OSBPL6: variants seen among roughly 807,000 people sequenced by gnomAD.
The protein encoded by OSBPL6 is oxysterol-binding protein-related protein 6.
OSBPL6 carries 49 observed loss-of-function variants against 125.8 expected under a neutral mutation model. The observed-to-expected ratio is 0.39, with a 90% CI of 0.31 to 0.49. The LOEUF is 0.49. Among genes scored for constraint, OSBPL6 ranks in the 20% least tolerant of loss-of-function variants. OSBPL6 has a pLI of 0.88. For synonymous variants in OSBPL6, 394 were observed against 391.8 expected (o/e 1.01, Z -0.07); for missense variants, 986 against 1,135.4 (o/e 0.87, Z 1.89).
chr2:178,305,095 A>G (rs191174256), intron 2 of OSBPL6, among the ~76,000 whole-genome samples: 2 of 152,238 alleles, frequency 1.3e-5, no homozygotes, highest in African/African-American at 4.8e-5. Flanking sequence ...AGCCTACACA[A>G]GTGTTCTGGT....
chr2:178,344,584 A>G (rs1690529472), intron 11 of OSBPL6, among the ~76,000 whole-genome samples: 1 of 152,238 alleles, frequency 6.6e-6, no homozygotes, highest in African/African-American at 2.4e-5. Flanking sequence ...TAGTTCTTCT[A>G]CTATACATGA....
intron 1 of OSBPL6, among the ~76,000 whole-genome samples, chr2:178,252,387 A>G (rs1480213436): frequency 6.6e-6 from 1 of 152,322 alleles, no homozygotes; most frequent in East Asian, 1.9e-4. Context: ...AATGTAAATA[A>G]GTGGGCATGC....
At chr2:178,214,182 A>T (rs1183155534) in intron 1 of OSBPL6, among the ~76,000 whole-genome samples, 1 of 152,166 alleles carries the variant, frequency 6.6e-6, no homozygotes, top group Admixed American at 6.5e-5. Flanking sequence ...GTTGGACAGA[A>T]GCCGTGGCAT....
At chr2:178,247,365 G>A (rs1369944912) in intron 1 of OSBPL6, among the ~76,000 whole-genome samples, 1 of 152,094 alleles carries the variant, frequency 6.6e-6, no homozygotes, top group African/African-American at 2.4e-5. Context: ...TCAGTTTGGA[G>A]TGTTGTGTTA....
At chr2:178,374,166 G>A in intron 15 of OSBPL6, 139 bp downstream of exon 15, 5 of 1,074,952 alleles carry the variant, frequency 4.7e-6, no homozygotes, top group Non-Finnish European at 6.6e-6. Flanking sequence ...CCAAATTGCA[G>A]CAAAGCTAAA....
intron 1 of OSBPL6, among the ~76,000 whole-genome samples, chr2:178,269,758 C>T (rs1326078421): frequency 6.6e-6 from 1 of 152,154 alleles, no homozygotes; most frequent in East Asian, 1.9e-4. Context: ...ATGCTCAGGG[C>T]CAGGCACAAT....
At chr2:178,298,744 A>ATTTT (rs1240599385) in intron 2 of OSBPL6, among the ~76,000 whole-genome samples, 25 of 143,570 alleles carry the variant, frequency 1.7e-4, no homozygotes, top group Non-Finnish European at 3.0e-4. Flanking sequence ...CACAGGACCT[A>ATTTT]CATCATTTTC....
chr2:178,249,946 A>T (rs2091635392), intron 1 of OSBPL6, among the ~76,000 whole-genome samples: 1 of 151,768 alleles, frequency 6.6e-6, no homozygotes, highest in South Asian at 2.1e-4. Flanking sequence ...CCTACTAGAC[A>T]TCTTTGTTAA....
chr2:178,392,547 G>A lies in OSBPL6; in HGVS notation c.2573+9G>A, dbSNP rs751220842. 6.2e-7 allele frequency: 1 copy of A among 1,613,662 alleles called. No homozygotes were observed. Among genetic ancestry groups the A allele is most frequent in the Non-Finnish European group, 8.5e-7 (1 of 1,179,842 alleles). On this transcript the variant is annotated intron_variant, in intron 23 of 24. Transcript: ENST00000190611. ...TTCCGGCCAGATCAAAGGTGAGGAT[G>A]GCAGTGGTATTTAATATGCAGACTA...
intron 12 of OSBPL6, among the ~76,000 whole-genome samples, chr2:178,353,851 G>A (rs560157941): frequency 3.9e-5 from 6 of 152,222 alleles, no homozygotes; most frequent in East Asian, 1.9e-4. Context: ...GAGAAAGGTC[G>A]GGTTACCCAC....
intron 1 of OSBPL6, among the ~76,000 whole-genome samples, chr2:178,223,195 A>G (rs1164626886): frequency 6.6e-6 from 1 of 152,250 alleles, no homozygotes; most frequent in Admixed American, 6.5e-5. Context: ...CTGATTCTCT[A>G]TCAACCTGTT....
At chr2:178,281,161 G>A (rs374444811) in intron 1 of OSBPL6, among the ~76,000 whole-genome samples, 23 of 151,938 alleles carry the variant, frequency 1.5e-4, no homozygotes, top group South Asian at 8.3e-4. Flanking sequence ...ACAGGCATGC[G>A]CCACCACACC....
At chr2:178,377,001 A>G (rs919704170) in intron 15 of OSBPL6, among the ~76,000 whole-genome samples, 25 of 152,204 alleles carry the variant, frequency 1.6e-4, no homozygotes, top group African/African-American at 5.8e-4. Flanking sequence ...AGATATTATG[A>G]TGTTCTCAGA....
intron 1 of OSBPL6, among the ~76,000 whole-genome samples, chr2:178,268,056 A>G (rs1420759333): frequency 6.6e-6 from 1 of 151,584 alleles, no homozygotes; most frequent in East Asian, 1.9e-4. Context: ...TTTAAAGTAA[A>G]TATGGTGCTT....
At chr2:178,291,209 T>TA (rs1685229553) in intron 2 of OSBPL6, among the ~76,000 whole-genome samples, 2 of 152,138 alleles carry the variant, frequency 1.3e-5, no homozygotes, top group African/African-American at 4.8e-5. Context: ...TTTTTAGTAT[T>TA]AATGTTGATA....
intron 1 of OSBPL6, among the ~76,000 whole-genome samples, chr2:178,206,607 G>C (rs2089544790): frequency 6.6e-6 from 1 of 151,394 alleles, no homozygotes; most frequent in South Asian, 2.1e-4. Flanking sequence ...AGGTTTTTTT[G>C]TTTTGTTTTG....
chr2:178,235,007 A>T (rs2090989496), intron 1 of OSBPL6, among the ~76,000 whole-genome samples: 1 of 152,066 alleles, frequency 6.6e-6, no homozygotes, highest in Middle Eastern at 3.2e-3. Context: ...ATAACTTCTA[A>T]ATTTATCTTG....
rs1279897052 is a variant in OSBPL6 at position 178,332,653 on chromosome 2, A to G, written c.385A>G (p.Lys129Glu). 3 of 1,612,894 alleles carry G rather than the reference A, an allele frequency of 1.9e-6. No homozygotes were observed. Among genetic ancestry groups the G allele is most frequent in the Non-Finnish European group, 8.5e-7 (1 of 1,179,196 alleles). The change falls in exon 7 of 25, where the codon AAG becomes GAG. Residue 129 changes from lysine (K) to glutamate (E), a missense_variant. Lys to Glu is a moderately conservative substitution (Grantham distance 56). This residue lies in a region of OSBPL6 where 843 missense variants were observed against 997.3 expected (regional missense o/e 0.85). Coordinates refer to ENST00000190611, the MANE Select transcript of OSBPL6 (RefSeq NM_032523.4). ...CTTTTGATTTCAGATTCAGAAAGGAAAGGTCCATGGGAGCATAGATGTGGG... is the reference window on the plus strand; with the variant it reads ...CTTTTGATTTCAGATTCAGAAAGGAGAGGTCCATGGGAGCATAGATGTGGG... ...SKAPLDIQKG[K>E]VHGSIDVGLS...
intron 1 of OSBPL6, among the ~76,000 whole-genome samples, chr2:178,217,456 A>G (rs1355408626): frequency 6.6e-6 from 1 of 152,170 alleles, no homozygotes; most frequent in African/African-American, 2.4e-5. Flanking sequence ...TTGTCATCGC[A>G]CGCCAGGAAA....
Sources: allele counts gnomAD v4.1 joint callset (sites outside exome capture counted in the v4.1 genomes callset), GRCh38; gene constraint gnomAD v4.1.1; regional missense constraint gnomAD v4.1.1; transcripts MANE v1.5; gene names NCBI Gene and HGNC (gene_info 2026-07-23, HGNC 2026-07-21).